MAP3K20: variants seen among roughly 807,000 people sequenced by gnomAD.
The protein encoded by MAP3K20 is mitogen-activated protein kinase kinase kinase 20.
A neutral mutation model predicts 85.7 loss-of-function variants in MAP3K20; 40 were observed. That is an observed-to-expected ratio of 0.47 (90% CI 0.36 to 0.61). The LOEUF is 0.61. MAP3K20 is among the 20% of genes least tolerant of loss of function. MAP3K20 has a pLI of 0.00. For missense variants in MAP3K20, 817 were observed against 961.7 expected, an observed-to-expected ratio of 0.85 and a Z score of 1.99; for synonymous variants, 325 against 327.7, an observed-to-expected ratio of 0.99 and a Z score of 0.09.
At chr2:173,134,171 C>T (rs1390504898) in intron 2 of MAP3K20, among the ~76,000 whole-genome samples, 4 of 147,480 alleles carry the variant, frequency 2.7e-5, no homozygotes, top group Non-Finnish European at 4.5e-5. Context: ...ATTAAGACAC[C>T]CTCCTTGTTT....
At chr2:173,243,681 T>G (rs913729440) in intron 16 of MAP3K20, among the ~76,000 whole-genome samples, 3 of 152,166 alleles carry the variant, frequency 2.0e-5, no homozygotes, top group South Asian at 2.1e-4. Context: ...GCAGTGGCGC[T>G]ATCTCGGCTC....
chr2:173,202,937 TG>T (rs1351074863), intron 8 of MAP3K20, among the ~76,000 whole-genome samples: 3 of 152,244 alleles, frequency 2.0e-5, no homozygotes, highest in African/African-American at 7.2e-5. Context: ...TGTGTTTATT[TG>T]TAAGTTAGAG....
chr2:173,241,481 T>C (rs1684782942), intron 16 of MAP3K20, among the ~76,000 whole-genome samples: 1 of 151,976 alleles, frequency 6.6e-6, no homozygotes, highest in Admixed American at 6.6e-5. Context: ...GGTGTAGTCG[T>C]GTAAGCCTGT....
chr2:173,186,783 CAGAA>C (rs145196810), intron 4 of MAP3K20, among the ~76,000 whole-genome samples: 1,871 of 151,948 alleles, frequency 0.012, 22 homozygotes, highest in South Asian at 0.03. Flanking sequence ...TACGTAAATA[CAGAA>C]AGAGTCAAAA....
chr2:173,152,272 A>G (rs956909384), intron 2 of MAP3K20, among the ~76,000 whole-genome samples: 2 of 152,224 alleles, frequency 1.3e-5, no homozygotes, highest in Non-Finnish European at 2.9e-5. Flanking sequence ...GTTTACATGC[A>G]GAACGATTCT....
chr2:173,173,284 T>G (rs146320415), intron 3 of MAP3K20, among the ~76,000 whole-genome samples: 5 of 151,850 alleles, frequency 3.3e-5, no homozygotes, highest in African/African-American at 9.7e-5. Context: ...TGTAGCTCTT[T>G]TGTAGCAAGC....
At chr2:173,118,539 G>A (rs1311564835) in intron 2 of MAP3K20, among the ~76,000 whole-genome samples, 1 of 152,156 alleles carries the variant, frequency 6.6e-6, no homozygotes, top group Non-Finnish European at 1.5e-5. Context: ...CTACAAGCCT[G>A]TGTGTAGATA....
intron 2 of MAP3K20, among the ~76,000 whole-genome samples, chr2:173,119,732 T>C (rs951736618): frequency 5.9e-5 from 9 of 152,186 alleles, no homozygotes; most frequent in Non-Finnish European, 2.9e-5. Context: ...AACAGTTCTA[T>C]TTTTTCACCT....
At chr2:173,238,552 T>C in intron 15 of MAP3K20, 117 bp downstream of exon 15, 1 of 919,874 alleles carries the variant, frequency 1.1e-6, no homozygotes, top group Non-Finnish European at 1.7e-6. Context: ...AATTTCATCA[T>C]ATCTGTCTAA....
At chr2:173,238,506 A>C (rs565399673) in intron 15 of MAP3K20, 71 bp downstream of exon 15, 1 of 1,398,236 alleles carries the variant, frequency 7.2e-7, no homozygotes, top group East Asian at 2.3e-5. Context: ...ATCCACACCT[A>C]AATTTGCCAA....
intron 2 of MAP3K20, among the ~76,000 whole-genome samples, chr2:173,169,285 G>A (rs569253150): frequency 6.6e-5 from 10 of 152,222 alleles, no homozygotes; most frequent in African/African-American, 9.6e-5. Flanking sequence ...GCTAGCAAGC[G>A]CCTCTTTTAT....
intron 1 of MAP3K20, among the ~76,000 whole-genome samples, chr2:173,090,129 G>C (rs1687251195): frequency 6.6e-6 from 1 of 152,102 alleles, no homozygotes; most frequent in African/African-American, 2.4e-5. Context: ...ATTTTATGTA[G>C]GTTCAAAATT....
intron 11 of MAP3K20, chr2:173,222,331 G>C (rs1684275317): frequency 1.5e-5 from 15 of 985,832 alleles, no homozygotes; most frequent in Non-Finnish European, 1.8e-5. Context: ...GTACTAAAGA[G>C]CACAGCTGCT....
At chr2:173,147,691 A>G (rs1347445119) in intron 2 of MAP3K20, among the ~76,000 whole-genome samples, 1 of 151,972 alleles carries the variant, frequency 6.6e-6, no homozygotes, top group African/African-American at 2.4e-5. Context: ...GGTTCAAGTG[A>G]TTCTCCTGCC....
At chr2:173,217,283 A>T in intron 11 of MAP3K20, 33 bp downstream of exon 11, 2 of 1,513,238 alleles carry the variant, frequency 1.3e-6, no homozygotes, top group Non-Finnish European at 1.8e-6. Flanking sequence ...GTCTTTCCAC[A>T]TGCGGCTCTA....
intron 2 of MAP3K20, among the ~76,000 whole-genome samples, chr2:173,120,202 A>G (rs1474201739): frequency 6.6e-6 from 1 of 152,102 alleles, no homozygotes; most frequent in Non-Finnish European, 1.5e-5. Context: ...GTCATTCTAT[A>G]TATATTTTTT....
chr2:173,097,529 T>C (rs1272676635), intron 2 of MAP3K20, among the ~76,000 whole-genome samples: 2 of 152,178 alleles, frequency 1.3e-5, no homozygotes, highest in African/African-American at 4.8e-5. Flanking sequence ...CTGTTGATAC[T>C]CAATTGAATC....
At chr2:173,226,259 C>T in intron 11 of MAP3K20, 1 of 985,330 alleles carries the variant, frequency 1.0e-6, no homozygotes, top group East Asian at 1.1e-4. Flanking sequence ...CTTTATTTTT[C>T]AGAGTTTTCA....
intron 2 of MAP3K20, among the ~76,000 whole-genome samples, chr2:173,124,642 C>T (rs1180206380): frequency 6.6e-6 from 1 of 152,144 alleles, no homozygotes; most frequent in African/African-American, 2.4e-5. Flanking sequence ...GTGTGACATG[C>T]CAGAACTTGT....
Sources: allele counts gnomAD v4.1 joint callset (sites outside exome capture counted in the v4.1 genomes callset), GRCh38; gene constraint gnomAD v4.1.1; transcripts MANE v1.5; gene names NCBI Gene and HGNC (gene_info 2026-07-23, HGNC 2026-07-21).